The following ACAD8 variants were observed in gnomAD, a reference collection of about 807,000 sequenced individuals.
ACAD8 encodes the protein isobutyryl-CoA dehydrogenase, mitochondrial.
Under a neutral mutation model 53.1 loss-of-function variants are expected in ACAD8, and 47 were observed. That is an observed-to-expected ratio of 0.89 (90% CI 0.70 to 1.13). The LOEUF (loss-of-function observed/expected upper bound fraction) is 1.13. Among genes scored for constraint, ACAD8 ranks in the 50% most tolerant of loss-of-function variants. The pLI, the probability that ACAD8 is intolerant of heterozygous loss-of-function variation, is 0.00. For synonymous variants in ACAD8, 198 were observed against 201.3 expected, an observed-to-expected ratio of 0.98 and a Z score of 0.14; for missense variants, 494 against 535.0, an observed-to-expected ratio of 0.92 and a Z score of 0.76.
intron 1 of ACAD8, among the ~76,000 whole-genome samples, chr11:134,254,946 T>A (rs577634721): frequency 6.6e-6 from 1 of 152,254 alleles, no homozygotes; most frequent in Non-Finnish European, 1.5e-5. Context: ...TGGGAACTTG[T>A]GTTTACTTAT....
intron 3 of ACAD8, chr11:134,258,282 G>A (rs1411352824): frequency 2.8e-5 from 16 of 577,056 alleles, no homozygotes; most frequent in Non-Finnish European, 3.7e-5. Flanking sequence ...TAGTACAAAC[G>A]TGCTGGTGAG....
At chr11:134,253,822 T>G in intron 1 of ACAD8, 113 bp downstream of exon 1, 1 of 1,131,198 alleles carries the variant, frequency 8.8e-7, no homozygotes, top group Non-Finnish European at 1.3e-6. Flanking sequence ...TCAGCTCCCC[T>G]TCCGGCCAGT....
chr11:134,255,425 T>C (rs1939469722), intron 1 of ACAD8, among the ~76,000 whole-genome samples: 1 of 152,200 alleles, frequency 6.6e-6, no homozygotes, highest in Admixed American at 6.5e-5. Flanking sequence ...CATGAGCCAC[T>C]GCGCCTGGCT....
chr11:134,261,259 C>T lies in ACAD8; in HGVS notation c.842-16C>T, dbSNP rs1194209848. 2 of 1,613,882 alleles carry T rather than the reference C, an allele frequency of 1.2e-6. No individual in the cohort carries two copies. Among genetic ancestry groups the T allele is most frequent in the Non-Finnish European group, 1.7e-6 (2 of 1,179,932 alleles). ...TTTTCCAGCTTGGTTGGAACGTCGG[C>T]GCTCTTCCCCTCTAGCTTCCTGCTC... On this transcript the variant is annotated splice_polypyrimidine_tract_variant and intron_variant, in intron 7 of 10. Coordinates refer to ENST00000281182, the MANE Select transcript of ACAD8 (RefSeq NM_014384.3). The surrounding 1 kb of genome is among the most constrained non-coding windows in gnomAD (Gnocchi z 4.2).
rs75901277 is a variant in ACAD8 at position 134,261,969 on chromosome 11, A to C, written c.1092+79A>C. On this transcript the variant is annotated intron_variant, in intron 9 of 10. Transcript: ENST00000281182. The surrounding 1 kb of genome is among the most constrained non-coding windows in gnomAD (Gnocchi z 4.2). ...AGGGGTCTTGAGAGACATGAGTCAG[A>C]TTTGGAACCCAGCCCTCCTGGAATC... 13,596 of 1,548,800 alleles carry C rather than the reference A, an allele frequency of 8.8e-3. 998 individuals carry two copies. The African/African-American group carries it at 0.16, about 18-fold the overall frequency.
intron 10 of ACAD8, chr11:134,263,727 TC>T (rs1940035375): frequency 2.0e-6 from 2 of 985,334 alleles, no homozygotes; most frequent in South Asian, 9.4e-5. Flanking sequence ...TAACTCTCTC[TC>T]CACCCTGCAA....
intron 2 of ACAD8, 187 bp downstream of exon 2, chr11:134,256,835 T>C: frequency 1.5e-6 from 1 of 676,474 alleles, no homozygotes. Flanking sequence ...TAACTTTTTT[T>C]TTGTTAGTTG....
rs369676427 is a variant in ACAD8 at position 134,261,423 on chromosome 11, C to T, written c.939+51C>T. ...GCTTTGCACTATTTGCAGCCCGGGA[C>T]CTGCTCTAGGGCCCACATTTCCAGG... On this transcript the variant is annotated intron_variant, in intron 8 of 10. Coordinates refer to ENST00000281182, the MANE Select transcript of ACAD8 (RefSeq NM_014384.3). The surrounding 1 kb of genome is among the most constrained non-coding windows in gnomAD (Gnocchi z 4.2). 1,811 of 1,588,904 alleles carry T rather than the reference C, an allele frequency of 1.1e-3. No homozygotes were observed. Among genetic ancestry groups the T allele is most frequent in the Non-Finnish European group, 1.5e-3 (1,716 of 1,157,360 alleles).
In ACAD8 at chr11:134,259,037, AC is replaced by A. The variant is rs772440454; in HGVS notation, c.522del (p.Ser175ProfsTer44). 11 of 1,613,760 alleles carry A rather than the reference AC, an allele frequency of 6.8e-6. No individual in the cohort carries two copies. Among genetic ancestry groups the A allele is most frequent in the Non-Finnish European group, 9.3e-6 (11 of 1,179,998 alleles). ...TGGGAGTGATGCTGCCTCTCTTCTG[AC>A]CTCCGCTAAGAAACAGGGAGATCAT... ...GSGSDAASLLTSAKKQGDHYI... is the reference protein window; with the variant it reads ...GSGSDAASLLXSAKKQGDHYI... On this transcript the variant is annotated frameshift_variant, in exon 5 of 11. Coordinates refer to ENST00000281182, the MANE Select transcript of ACAD8 (RefSeq NM_014384.3). LOFTEE classifies it high-confidence loss of function.
chr11:134,257,580 G>A (rs371543629), intron 3 of ACAD8, among the ~76,000 whole-genome samples: 216 of 152,138 alleles, frequency 1.4e-3, no homozygotes, highest in African/African-American at 5.1e-3. Flanking sequence ...GGCTGAGGCA[G>A]GAGGATGGTG....
intron 6 of ACAD8, chr11:134,260,174 G>A (rs1565374213): frequency 8.8e-7 from 1 of 1,140,728 alleles, no homozygotes; most frequent in Non-Finnish European, 1.1e-6. Context: ...AGATGATTGT[G>A]GGTATTTCAG....
At chr11:134,262,782 AG>A in intron 10 of ACAD8, 160 bp downstream of exon 10, 1 of 1,497,512 alleles carries the variant, frequency 6.7e-7, no homozygotes, top group South Asian at 1.2e-5. Flanking sequence ...CTGTTCTGGC[AG>A]GGGCCTGGAG....
Position 134,261,193 on chromosome 11 carries a change from G to A in ACAD8, c.841+14G>A. On this transcript the variant is annotated intron_variant, in intron 7 of 10. Transcript: ENST00000281182. This position sits in a 1 kb window ranked among gnomAD's most constrained non-coding sequence, Gnocchi z 4.2. ...GGATCAATATTGGTGAGATACGCAG[G>A]GGTGTGGCAGGGAGGTAGCGGTCCG... is the stretch of plus-strand genomic sequence containing the variant. 6.2e-7 allele frequency: 1 copy of A among 1,613,852 alleles called. No individual in the cohort carries two copies. Among genetic ancestry groups the A allele is most frequent in the Non-Finnish European group, 8.5e-7 (1 of 1,179,934 alleles).
Position 134,261,685 on chromosome 11 carries a change from G to T in ACAD8, c.940-53G>T. The T allele has an allele frequency of 6.2e-7, 1 of 1,609,590 alleles. No individual in the cohort carries two copies. Among genetic ancestry groups the T allele is most frequent in the Non-Finnish European group, 8.5e-7 (1 of 1,179,876 alleles). On this transcript the variant is annotated intron_variant, in intron 8 of 10. Coordinates refer to ENST00000281182, the MANE Select transcript of ACAD8 (RefSeq NM_014384.3). The surrounding 1 kb of genome is among the most constrained non-coding windows in gnomAD (Gnocchi z 4.2). ...TGTCTTACCGAGGCTCCTGCACCAG[G>T]TGCTGGTCTAAGCCCCTCAGTCTTG...
Position 134,262,546 on chromosome 11 carries a change from C to T in ACAD8, c.1119C>T (p.His373=), listed in dbSNP as rs766256419. 3.0e-5 allele frequency: 49 copies of T among 1,613,792 alleles called. No homozygotes were observed. The highest frequency in any genetic ancestry group is 3.3e-4 in the Middle Eastern group (2 of 6,084). ...TCTGCAACCAGGCCTTGCAGATGCACGGGGGCTACGGCTACCTGAAGGATT... is the reference window on the plus strand; with the variant it reads ...TCTGCAACCAGGCCTTGCAGATGCATGGGGGCTACGGCTACCTGAAGGATT... ...FAICNQALQM[H]GGYGYLKDYA... The change falls in exon 10 of 11, where the codon CAC becomes CAT. Residue 373 remains histidine, a synonymous_variant. Transcript: ENST00000281182.
Position 134,261,474 on chromosome 11 carries a change from A to G in ACAD8, c.939+102A>G. 1.3e-6 allele frequency: 2 copies of G among 1,511,926 alleles called. No homozygotes were observed. Among genetic ancestry groups the G allele is most frequent in the Non-Finnish European group, 1.8e-6 (2 of 1,094,096 alleles). The allele number at this position is 1,511,926 out of a possible 1,614,324, so 93.7% of individuals were successfully genotyped here. A position where few individuals can be genotyped will look rare whatever the true frequency, so the allele number is the denominator to read the frequency against. ...AGAGAAGCCAGGAAATTCCTCTGTC[A>G]GTCCCACCACTGTCCTAGCCAGAGC... On this transcript the variant is annotated intron_variant, in intron 8 of 10. Coordinates refer to ENST00000281182, the MANE Select transcript of ACAD8 (RefSeq NM_014384.3). This position sits in a 1 kb window ranked among gnomAD's most constrained non-coding sequence, Gnocchi z 4.2.
chr11:134,259,228 C>T (rs1271762246), intron 5 of ACAD8, 144 bp downstream of exon 5: 2 of 774,112 alleles, frequency 2.6e-6, no homozygotes, highest in Non-Finnish European at 4.5e-6. Context: ...ATTTCTCTTT[C>T]TTTATTCTCA....
intron 10 of ACAD8, chr11:134,263,222 C>T (rs930074969): frequency 3.0e-6 from 3 of 1,003,748 alleles, no homozygotes; most frequent in Admixed American, 5.4e-5. Flanking sequence ...TGAAATGACA[C>T]GACTCTTGGA....
At chr11:134,258,439 T>G in intron 3 of ACAD8, 76 bp from the exon 4 acceptor site, 1 of 999,444 alleles carries the variant, frequency 1.0e-6, no homozygotes, top group South Asian at 1.4e-5. Context: ...TTGTTCTCTT[T>G]CCCCTTCTCC....
Sources: allele counts gnomAD v4.1 joint callset (sites outside exome capture counted in the v4.1 genomes callset), GRCh38; gene constraint gnomAD v4.1.1; non-coding constraint Gnocchi (gnomAD v3.1); transcripts MANE v1.5; gene names NCBI Gene and HGNC (gene_info 2026-07-23, HGNC 2026-07-21).